The following PRKCE variants were observed in gnomAD, a reference collection of about 807,000 sequenced individuals.
PRKCE encodes the protein protein kinase C epsilon type.
A neutral mutation model predicts 85.4 loss-of-function variants in PRKCE; 16 were observed. The observed-to-expected ratio is 0.19, with a 90% confidence interval of 0.13 to 0.28. PRKCE has a LOEUF of 0.28. Ranked by LOEUF, PRKCE falls within the 10% of genes least tolerant of loss-of-function variation. The probability of loss-of-function intolerance (pLI) is 1.00; values close to 1 mark genes in which losing one functional copy is unlikely to be tolerated. For missense variants in PRKCE, 573 were observed against 975.2 expected (o/e 0.59, Z 5.49); for synonymous variants, 388 against 371.5 (o/e 1.04, Z -0.51).
At chr2:45,850,954 C>T (rs941825888) in intron 2 of PRKCE, among the ~76,000 whole-genome samples, 12 of 152,218 alleles carry the variant, frequency 7.9e-5, no homozygotes, top group African/African-American at 2.9e-4. Flanking sequence ...GAAGCTCATG[C>T]TCTGCTAGAA....
intron 11 of PRKCE, among the ~76,000 whole-genome samples, chr2:46,116,903 T>G (rs1480629328): frequency 6.6e-6 from 1 of 152,166 alleles, no homozygotes; most frequent in East Asian, 1.9e-4. Flanking sequence ...GCATTTCACT[T>G]GGAGAATCTA....
At chr2:45,960,913 C>T (rs186289572) in intron 2 of PRKCE, among the ~76,000 whole-genome samples, 13 of 152,312 alleles carry the variant, frequency 8.5e-5, no homozygotes, top group African/African-American at 3.1e-4. Flanking sequence ...TGAGATTCAC[C>T]TATGTTGAAC....
chr2:45,692,048 C>T (rs549232474), intron 1 of PRKCE, among the ~76,000 whole-genome samples: 1 of 152,234 alleles, frequency 6.6e-6, no homozygotes, highest in Non-Finnish European at 1.5e-5. Context: ...AAAACCTTCA[C>T]TCATGGAAAA....
At chr2:45,715,752 C>T (rs1356627392) in intron 1 of PRKCE, among the ~76,000 whole-genome samples, 2 of 152,180 alleles carry the variant, frequency 1.3e-5, no homozygotes, top group Non-Finnish European at 2.9e-5. Flanking sequence ...CTTTGCACTA[C>T]ACGAACTGCC....
chr2:45,881,152 C>CAAAAAA (rs770824515), intron 2 of PRKCE, among the ~76,000 whole-genome samples: 2 of 91,440 alleles, frequency 2.2e-5, no homozygotes, highest in Non-Finnish European at 4.5e-5. Flanking sequence ...GACTCCGTCT[C>CAAAAAA]AAAAAAAAAA....
chr2:46,171,619 A>G (rs1678910225), intron 14 of PRKCE, among the ~76,000 whole-genome samples: 1 of 152,200 alleles, frequency 6.6e-6, no homozygotes, highest in African/African-American at 2.4e-5. Flanking sequence ...CAAGACGTCT[A>G]ATGCCTCCGA....
intron 10 of PRKCE, among the ~76,000 whole-genome samples, chr2:46,047,457 G>A (rs1214869019): frequency 2.6e-5 from 4 of 152,200 alleles, no homozygotes; most frequent in Non-Finnish European, 5.9e-5. Context: ...GGAGGTGATT[G>A]TACCCTCTGC....
intron 1 of PRKCE, among the ~76,000 whole-genome samples, chr2:45,770,160 C>T (rs562708019): frequency 8.5e-5 from 13 of 152,230 alleles, no homozygotes; most frequent in Non-Finnish European, 1.5e-4. Context: ...TGCTCCAGCC[C>T]TCTCTCGGAC....
chr2:45,984,446 A>G, intron 5 of PRKCE, 105 bp from the exon 6 acceptor site: 1 of 1,501,776 alleles, frequency 6.7e-7, no homozygotes, highest in East Asian at 2.3e-5. Context: ...TGCCACCTAC[A>G]ATGACACAAG....
chr2:45,676,843 C>G (rs958460447), intron 1 of PRKCE: 1 of 152,144 alleles, frequency 6.6e-6, no homozygotes, highest in Non-Finnish European at 1.5e-5. Context: ...TTAGGGAGCC[C>G]CTGCCATCAA....
At chr2:45,868,900 G>A (rs1693844556) in intron 2 of PRKCE, among the ~76,000 whole-genome samples, 1 of 151,116 alleles carries the variant, frequency 6.6e-6, no homozygotes, top group Non-Finnish European at 1.5e-5. Context: ...AGAGGTTGCA[G>A]TGAGCCAAGA....
chr2:45,829,173 A>G lies in PRKCE; in HGVS notation c.349-13827A>G, dbSNP rs74548984. On this transcript the variant is annotated intron_variant, in intron 1 of 14. Transcript: ENST00000306156. ...TATTCTTATAGTTAAATCTTTTCAC[A>G]TATGTGTGATTTGAGATAAATTCCC... is the stretch of plus-strand genomic sequence containing the variant. Among the ~76,000 whole-genome samples, 1,181 of 152,338 alleles carry G rather than the reference A, an allele frequency of 7.8e-3. 106 individuals are homozygous for G. The East Asian group carries it at 0.2, about 25-fold the overall frequency.
At chr2:45,968,954 CAGA>C (rs1411937726) in intron 2 of PRKCE, among the ~76,000 whole-genome samples, 2 of 151,916 alleles carry the variant, frequency 1.3e-5, no homozygotes, top group Non-Finnish European at 2.9e-5. Context: ...GTTAGGTAAA[CAGA>C]AGAAGAACTG....
chr2:45,957,081 G>C lies in PRKCE; in HGVS notation c.413-19348G>C, dbSNP rs1011747618. ...ATTTGCAAATATTTTTTCCCATTTT[G>C]ATACTTGTCTTTTCATTCTCTTAAC... On this transcript the variant is annotated intron_variant, in intron 2 of 14. Transcript: ENST00000306156. 7.2e-4 allele frequency among the ~76,000 whole-genome samples: 109 copies of C among 152,138 alleles called. 1 individual carries two copies. Among genetic ancestry groups the C allele is most frequent in the Admixed American group, 7.0e-3 (107 of 15,276 alleles).
intron 2 of PRKCE, among the ~76,000 whole-genome samples, chr2:45,911,017 G>C (rs1697344190): frequency 6.6e-6 from 1 of 152,208 alleles, no homozygotes; most frequent in Admixed American, 6.5e-5. Flanking sequence ...TGAAAAATGG[G>C]AACCACTACT....
intron 1 of PRKCE, among the ~76,000 whole-genome samples, chr2:45,761,527 G>C (rs1684500587): frequency 6.6e-6 from 1 of 152,032 alleles, no homozygotes; most frequent in Non-Finnish European, 1.5e-5. Context: ...TTATCAGAAA[G>C]AACGGGGCTT....
chr2:46,177,933 C>T (rs956306407), intron 14 of PRKCE, among the ~76,000 whole-genome samples: 1 of 152,146 alleles, frequency 6.6e-6, no homozygotes, highest in African/African-American at 2.4e-5. Context: ...AGGAACTGAG[C>T]AGTCACTTCT....
At chr2:45,943,569 A>G (rs1452168584) in intron 2 of PRKCE, among the ~76,000 whole-genome samples, 1 of 152,276 alleles carries the variant, frequency 6.6e-6, no homozygotes, top group African/African-American at 2.4e-5. Flanking sequence ...TACACATGCC[A>G]GAAACATGCC....
chr2:45,932,871 T>C (rs1177093247), intron 2 of PRKCE, among the ~76,000 whole-genome samples: 1 of 152,236 alleles, frequency 6.6e-6, no homozygotes, highest in Admixed American at 6.5e-5. Context: ...ATAAGTGGAA[T>C]TGGGCAGTAT....
Sources: gnomAD v4.1 joint callset for allele counts (sites outside exome capture counted in the v4.1 genomes callset) on GRCh38, gnomAD v4.1.1 for gene constraint, MANE v1.5 for transcripts, NCBI Gene and HGNC (gene_info 2026-07-23, HGNC 2026-07-21) for gene names.